Variants in PCSK1 observed in about 807,000 individuals in gnomAD.
The protein encoded by PCSK1 is proprotein convertase subtilisin/kexin type 1.
PCSK1 carries 56 observed loss-of-function variants against 90.6 expected under a neutral mutation model. The observed-to-expected ratio is 0.62, with a 90% CI of 0.50 to 0.77. The LOEUF (loss-of-function observed/expected upper bound fraction) is 0.77, where lower values mean the gene tolerates loss of function less well. PCSK1 is among the 30% of genes least tolerant of loss of function. The probability of loss-of-function intolerance (pLI) is 0.00; values close to 1 mark genes in which losing one functional copy is unlikely to be tolerated. For synonymous variants in PCSK1, 348 were observed against 342.4 expected (o/e 1.02, Z -0.18); for missense variants, 801 against 932.6 (o/e 0.86, Z 1.84).
At chr5:96,393,401 C>G (rs758849908) in intron 13 of PCSK1, 23 bp from the exon 14 acceptor site, 1 of 1,612,932 alleles carries the variant, frequency 6.2e-7, no homozygotes, top group South Asian at 1.1e-5. Flanking sequence ...ATGCCATCCA[C>G]AAAGGGAAGA....
chr5:96,424,342 C>G (rs1423418357), intron 3 of PCSK1, among the ~76,000 whole-genome samples: 2 of 152,112 alleles, frequency 1.3e-5, no homozygotes, highest in African/African-American at 4.8e-5. Context: ...GAACTGTACA[C>G]AGATTGTTGG....
intron 13 of PCSK1, 66 bp from the exon 14 acceptor site, chr5:96,393,444 G>A: frequency 6.3e-7 from 1 of 1,583,608 alleles, no homozygotes; most frequent in Non-Finnish European, 8.7e-7. Context: ...CAAGCTAGTT[G>A]CAACCCTACC....
intron 8 of PCSK1, among the ~76,000 whole-genome samples, chr5:96,409,136 G>A (rs986388654): frequency 8.5e-5 from 13 of 152,184 alleles, no homozygotes; most frequent in African/African-American, 3.1e-4. Context: ...TGAAGAGATT[G>A]CTGAGATGAA....
At position 96,393,384 on chromosome 5, in the gene PCSK1, A is replaced by AT; in HGVS notation, c.1885-7_1885-6insA. On this transcript the variant is annotated splice_polypyrimidine_tract_variant and splice_region_variant and intron_variant, in intron 13 of 13. Coordinates refer to ENST00000311106, the MANE Select transcript of PCSK1 (RefSeq NM_000439.5). The stretch of plus-strand genomic sequence containing the variant: ...TTCTCTTGTGTGGGCTGCTCCTAAA[A>AT]CATAGAATGCCATCCACAAAGGGAA... 1 of 1,613,456 alleles carries AT rather than the reference A, an allele frequency of 6.2e-7. No individual in the cohort carries two copies. Among genetic ancestry groups the AT allele is most frequent in the Non-Finnish European group, 8.5e-7 (1 of 1,179,868 alleles).
At chr5:96,399,544 T>C (rs1366241944) in intron 10 of PCSK1, among the ~76,000 whole-genome samples, 1 of 152,200 alleles carries the variant, frequency 6.6e-6, no homozygotes, top group Non-Finnish European at 1.5e-5. Flanking sequence ...CACTGTGGCA[T>C]GAAGCAAGGC....
In PCSK1 at chr5:96,393,522, A is replaced by G. The variant is rs1362600555; in HGVS notation, c.1885-144T>C. 5.1e-6 allele frequency: 5 copies of G among 986,492 alleles called. No homozygotes were observed. The African/African-American group carries it at 8.0e-5, about 16-fold the overall frequency. The allele number at this position is 986,492 out of a possible 1,614,324, so 61.1% of individuals were successfully genotyped here. A position where few individuals can be genotyped will look rare whatever the true frequency, so the allele number is the denominator to read the frequency against. On this transcript the variant is annotated intron_variant, in intron 13 of 13. Transcript: ENST00000311106. ...GAGAGAGTTCAAGACTGGGAGCCAC[A>G]TGGACTTGGGCTTCAACCCTCATTT...
At position 96,408,246 on chromosome 5, in the gene PCSK1, G is replaced by T; in HGVS notation, c.1173C>A (p.Ile391=). The change falls in exon 9 of 14, where the codon ATC becomes ATA. Residue 391 remains isoleucine, a synonymous_variant. Coordinates refer to ENST00000311106, the MANE Select transcript of PCSK1 (RefSeq NM_000439.5). ...ACTTTGCTTCCAGGGCCAGAGCGAAGATGCCAGCAGCCAGAGGTGCAGAGG... is the reference window on the plus strand; with the variant it reads ...ACTTTGCTTCCAGGGCCAGAGCGAATATGCCAGCAGCCAGAGGTGCAGAGG... The part of the protein sequence containing the change: ...TSASAPLAAG[I]FALALEANPN... 1 of 1,613,996 alleles carries T rather than the reference G, an allele frequency of 6.2e-7. No homozygotes were observed. The highest frequency in any genetic ancestry group is 2.2e-5 in the East Asian group (1 of 44,892).
Position 96,400,196 on chromosome 5 carries a change from A to G in PCSK1, c.1197-10T>C, listed in dbSNP as rs770643470. The G allele has an allele frequency of 1.9e-6, 3 of 1,567,136 alleles. No individual in the cohort carries two copies. Among genetic ancestry groups the G allele is most frequent in the Non-Finnish European group, 2.6e-6 (3 of 1,137,130 alleles). On this transcript the variant is annotated splice_polypyrimidine_tract_variant and intron_variant, in intron 9 of 13. Coordinates refer to ENST00000311106, the MANE Select transcript of PCSK1 (RefSeq NM_000439.5). ...CCAGGTGAGATTTGGGCTGGAGGGGAAGTGACCCAAAGTGTCTTTCAGAGA... is the reference window on the plus strand; with the variant it reads ...CCAGGTGAGATTTGGGCTGGAGGGGGAGTGACCCAAAGTGTCTTTCAGAGA...
intron 10 of PCSK1, 38 bp downstream of exon 10, chr5:96,399,915 T>C (rs773791872): frequency 1.4e-6 from 2 of 1,461,106 alleles, no homozygotes; most frequent in South Asian, 1.1e-5. Flanking sequence ...AATTATGCCA[T>C]GGGCACACAT....
chr5:96,415,941 G>T, intron 6 of PCSK1, 92 bp downstream of exon 6: 1 of 825,748 alleles, frequency 1.2e-6, no homozygotes, highest in Non-Finnish European at 2.1e-6. Context: ...TCCTCCAGTT[G>T]TTAAAAAGAA....
At chr5:96,412,290 T>A (rs777543787) in intron 7 of PCSK1, 28 bp downstream of exon 7, 10 of 1,598,424 alleles carry the variant, frequency 6.3e-6, no homozygotes, top group African/African-American at 1.3e-5. Flanking sequence ...AGGTTTCATT[T>A]CATGTGGGTC....
At chr5:96,418,462 T>C (rs902458193) in intron 5 of PCSK1, among the ~76,000 whole-genome samples, 1 of 152,224 alleles carries the variant, frequency 6.6e-6, no homozygotes, top group South Asian at 2.1e-4. Context: ...AATACAGATT[T>C]ATGCCAGCTT....
chr5:96,398,987 A>C lies in PCSK1; in HGVS notation c.1480T>G (p.Cys494Gly), dbSNP rs756920190. 1.9e-6 allele frequency: 3 copies of C among 1,612,866 alleles called. No individual in the cohort carries two copies. The change falls in exon 11 of 14, where the codon TGT (cysteine) becomes GGT (glycine). Residue 494 changes from cysteine to glycine, a missense_variant. Coordinates refer to ENST00000311106, the MANE Select transcript of PCSK1 (RefSeq NM_000439.5). Reference sequence around the variant, plus strand: ...TTGATAGCATTTTCTTGTCCTTCACAAGCTCTTGTTGGAATTTCAATGATA... The same window carrying C: ...TTGATAGCATTTTCTTGTCCTTCACCAGCTCTTGTTGGAATTTCAATGATA... The part of the protein sequence containing the change: ...EVIIEIPTRA[C>G]EGQENAIKSL...
intron 1 of PCSK1, among the ~76,000 whole-genome samples, chr5:96,430,472 C>A (rs1294122519): frequency 6.6e-6 from 1 of 152,172 alleles, no homozygotes; most frequent in African/African-American, 2.4e-5. Context: ...GTGGATGGAA[C>A]TGGGGAGAGA....
At chr5:96,398,727 C>CA (rs1760250138) in intron 11 of PCSK1, 152 bp downstream of exon 11, 2 of 703,532 alleles carry the variant, frequency 2.8e-6, no homozygotes, top group Non-Finnish European at 5.0e-6. Flanking sequence ...GGAGATCTAA[C>CA]ACCAAGAAAA....
intron 9 of PCSK1, among the ~76,000 whole-genome samples, chr5:96,402,584 C>T (rs1194550284): frequency 6.6e-6 from 1 of 152,166 alleles, no homozygotes; most frequent in African/African-American, 2.4e-5. Flanking sequence ...TTCGGGGCTC[C>T]CTCAGCAGTG....
chr5:96,407,022 CA>C (rs1269353523), intron 9 of PCSK1, among the ~76,000 whole-genome samples: 1 of 152,010 alleles, frequency 6.6e-6, no homozygotes. Flanking sequence ...TTTTTAACAT[CA>C]TACACTAAAA....
intron 5 of PCSK1, among the ~76,000 whole-genome samples, chr5:96,416,731 A>C (rs1354267120): frequency 6.6e-6 from 1 of 152,206 alleles, no homozygotes; most frequent in Non-Finnish European, 1.5e-5. Flanking sequence ...ATTACCAGCT[A>C]ATTGGAAAGC....
intron 4 of PCSK1, among the ~76,000 whole-genome samples, chr5:96,422,825 T>C (rs1761169006): frequency 6.6e-6 from 1 of 152,240 alleles, no homozygotes; most frequent in African/African-American, 2.4e-5. Context: ...TTTTCCCATT[T>C]CTAGAAAACT....
Sources: allele counts gnomAD v4.1 joint callset (sites outside exome capture counted in the v4.1 genomes callset), GRCh38; gene constraint gnomAD v4.1.1; transcripts MANE v1.5; gene names NCBI Gene and HGNC (gene_info 2026-07-23, HGNC 2026-07-21).